NTM: variants seen among roughly 807,000 people sequenced by gnomAD.
The protein encoded by NTM is neurotrimin.
In NTM, 13 loss-of-function variants were observed where a neutral mutation model predicts 42.1. The ratio of observed to expected loss-of-function variants is 0.31; its 90% CI spans 0.20 to 0.49. The LOEUF (loss-of-function observed/expected upper bound fraction) is 0.49. Among genes scored for constraint, NTM ranks in the 20% least tolerant of loss-of-function variants. NTM has a pLI of 0.99. For synonymous variants in NTM, 187 were observed against 179.2 expected, an observed-to-expected ratio of 1.04 and a Z score of -0.35; for missense variants, 373 against 452.8, an observed-to-expected ratio of 0.82 and a Z score of 1.60.
At chr11:131,938,936 G>A (rs1451186906) in intron 2 of NTM, among the ~76,000 whole-genome samples, 2 of 152,062 alleles carry the variant, frequency 1.3e-5, no homozygotes, top group African/African-American at 4.8e-5. Context: ...GAGAAATGAG[G>A]GAGCAAGAGG....
At chr11:131,435,628 A>G (rs375932417) in intron 1 of NTM, among the ~76,000 whole-genome samples, 1 of 152,152 alleles carries the variant, frequency 6.6e-6, no homozygotes, top group East Asian at 1.9e-4. Flanking sequence ...ATTTTTGCAC[A>G]TTGATTTTGT....
At chr11:132,261,355 C>T (rs1464788388) in intron 4 of NTM, among the ~76,000 whole-genome samples, 7 of 152,154 alleles carry the variant, frequency 4.6e-5, no homozygotes, top group Admixed American at 2.6e-4. Context: ...GCATGGGAAT[C>T]GCTGGGGCAT....
chr11:131,691,038 G>A (rs190992520), intron 1 of NTM, among the ~76,000 whole-genome samples: 2 of 152,316 alleles, frequency 1.3e-5, no homozygotes, highest in Non-Finnish European at 2.9e-5. Context: ...TTTCTGGAAG[G>A]GTGTGCGGTC....
chr11:131,383,239 A>C (rs1220306541), intron 1 of NTM, among the ~76,000 whole-genome samples: 1 of 152,222 alleles, frequency 6.6e-6, no homozygotes, highest in African/African-American at 2.4e-5. Context: ...ACTTACATTT[A>C]TATTTCATCC....
chr11:131,576,878 G>T (rs2057988053), intron 1 of NTM, among the ~76,000 whole-genome samples: 1 of 152,154 alleles, frequency 6.6e-6, no homozygotes, highest in Non-Finnish European at 1.5e-5. Context: ...ACAAAATGTG[G>T]TGCAATAATA....
At chr11:131,564,945 C>A (rs1028402565) in intron 1 of NTM, among the ~76,000 whole-genome samples, 1 of 152,250 alleles carries the variant, frequency 6.6e-6, no homozygotes, top group Non-Finnish European at 1.5e-5. Flanking sequence ...ACTGCCCAGG[C>A]CGCAAAGCCC....
At chr11:131,559,253 T>C (rs1001020844) in intron 1 of NTM, among the ~76,000 whole-genome samples, 2 of 152,246 alleles carry the variant, frequency 1.3e-5, no homozygotes, top group Non-Finnish European at 2.9e-5. Context: ...AAAACTCTTC[T>C]TTTTATTCTC....
rs570349476 is a variant in NTM, at chr11:132,308,646, G to C, written c.661+823G>C. On this transcript the variant is annotated intron_variant, in intron 5 of 8. Transcript: ENST00000683400. ...CGAGATGACTTCCCTTCAAAACTTGGGTGGCGTGGAGTTAGGAGAAGGATA... is the reference window on the plus strand; with the variant it reads ...CGAGATGACTTCCCTTCAAAACTTGCGTGGCGTGGAGTTAGGAGAAGGATA... Among the ~76,000 whole-genome samples the C allele has an allele frequency of 2.0e-5, 3 of 151,978 alleles. No individual in the cohort carries two copies. The South Asian group carries it at 6.2e-4, about 32-fold the overall frequency.
intron 1 of NTM, among the ~76,000 whole-genome samples, chr11:131,639,584 A>T (rs1419084051): frequency 1.3e-5 from 2 of 152,166 alleles, no homozygotes; most frequent in Non-Finnish European, 1.5e-5. Context: ...TCTCTTTCTG[A>T]AGCACAACCG....
intron 1 of NTM, chr11:131,795,381 A>C: frequency 1.0e-6 from 1 of 984,896 alleles, no homozygotes; most frequent in Non-Finnish European, 1.2e-6. Flanking sequence ...ACTTAGCATC[A>C]CTTAAAAAGG....
At chr11:131,558,390 G>A (rs2055746001) in intron 1 of NTM, among the ~76,000 whole-genome samples, 1 of 152,128 alleles carries the variant, frequency 6.6e-6, no homozygotes, top group Non-Finnish European at 1.5e-5. Flanking sequence ...GGGAATTGGA[G>A]GACAGACAGG....
intron 1 of NTM, chr11:131,877,615 G>A (rs1228632278): frequency 6.6e-6 from 1 of 152,074 alleles, no homozygotes; most frequent in Non-Finnish European, 1.5e-5. Context: ...AATCTCTGTT[G>A]GGTCTCCATT....
At chr11:132,293,210 G>T (rs2094507990) in intron 4 of NTM, among the ~76,000 whole-genome samples, 1 of 152,146 alleles carries the variant, frequency 6.6e-6, no homozygotes, top group Non-Finnish European at 1.5e-5. Context: ...AGAGGAAGAG[G>T]CAGGGGTGTA....
At chr11:131,895,539 T>C (rs924307269) in intron 1 of NTM, among the ~76,000 whole-genome samples, 1 of 152,186 alleles carries the variant, frequency 6.6e-6, no homozygotes, top group Non-Finnish European at 1.5e-5. Flanking sequence ...AAATGGCAAC[T>C]GCCTTCAGAG....
At chr11:131,457,958 C>G (rs11222639) in intron 1 of NTM, among the ~76,000 whole-genome samples, 12,324 of 152,202 alleles carry the variant, frequency 0.081, 1,270 homozygotes, top group African/African-American at 0.23. Flanking sequence ...TGACTTCCAG[C>G]CTCCAGAACT....
At chr11:131,570,510 A>T (rs2057347827) in intron 1 of NTM, among the ~76,000 whole-genome samples, 1 of 152,230 alleles carries the variant, frequency 6.6e-6, no homozygotes, top group African/African-American at 2.4e-5. Context: ...CCCGTAGGAA[A>T]CAGTGCAGGC....
At chr11:132,070,751 G>A (rs370937795) in intron 2 of NTM, among the ~76,000 whole-genome samples, 124 of 127,482 alleles carry the variant, frequency 9.7e-4, no homozygotes, top group African/African-American at 3.0e-3. Flanking sequence ...CAAACTGACC[G>A]TCACAGGTTA....
intron 1 of NTM, among the ~76,000 whole-genome samples, chr11:131,544,068 C>A (rs2053618714): frequency 6.6e-6 from 1 of 152,158 alleles, no homozygotes; most frequent in African/African-American, 2.4e-5. Flanking sequence ...TGGGTTACTT[C>A]TCAGCCTGGA....
chr11:131,988,953 C>G (rs1443346499), intron 2 of NTM, among the ~76,000 whole-genome samples: 1 of 152,124 alleles, frequency 6.6e-6, no homozygotes, highest in East Asian at 1.9e-4. Flanking sequence ...TATATAAAAA[C>G]TGAATAAAAT....
Sources: allele counts gnomAD v4.1 joint callset (sites outside exome capture counted in the v4.1 genomes callset), GRCh38; gene constraint gnomAD v4.1.1; transcripts MANE v1.5; gene names NCBI Gene and HGNC (gene_info 2026-07-23, HGNC 2026-07-21).